Variants in NFASC observed in about 807,000 individuals in gnomAD.
NFASC encodes neurofascin, also known as neurofascin homolog.
Under a neutral mutation model 147.5 loss-of-function variants are expected in NFASC, and 43 were observed. The ratio of observed to expected loss-of-function variants is 0.29; its 90% CI spans 0.23 to 0.38. The LOEUF (loss-of-function observed/expected upper bound fraction) is 0.38, where lower values mean the gene tolerates loss of function less well. Among genes scored for constraint, NFASC ranks in the 10% least tolerant of loss-of-function variants. The pLI is 1.00. For missense variants in NFASC, 1,320 were observed against 1,689.0 expected (o/e 0.78, Z 3.83); for synonymous variants, 622 against 665.5 (o/e 0.93, Z 1.01).
At chr1:205,011,208 C>CA (rs2151035510) in intron 28 of NFASC, among the ~76,000 whole-genome samples, 1 of 29,864 alleles carries the variant, frequency 3.3e-5, no homozygotes, top group South Asian at 8.2e-4. Context: ...TCCCCCAGGA[C>CA]CCCCCCCAAA....
intron 1 of NFASC, among the ~76,000 whole-genome samples, chr1:204,861,433 A>C (rs2076663697): frequency 6.6e-6 from 1 of 151,692 alleles, no homozygotes; most frequent in Non-Finnish European, 1.5e-5. Flanking sequence ...CTAGGAGTGG[A>C]ATTGCTGGGT....
rs1320968276 is a variant in NFASC, at chr1:204,856,418, T to TGTGTGTGA, written c.-200+27637_-200+27638insTGTGTGAG. The stretch of plus-strand genomic sequence containing the variant: ...GTGTGTGTGTGTGTGTGTGTGTGTG[T>TGTGTGTGA]GATTGTGTGAAGAAACGTCTGCCAA... On this transcript the variant is annotated intron_variant, in intron 1 of 29. Transcript: ENST00000339876. Among the ~76,000 whole-genome samples, 579 of 151,178 alleles carry TGTGTGTGA rather than the reference T, an allele frequency of 3.8e-3. 8 individuals carry two copies. The highest frequency in any genetic ancestry group is 0.012 in the African/African-American group (497 of 41,090).
At chr1:204,829,801 C>A (rs1671694634) in intron 1 of NFASC, among the ~76,000 whole-genome samples, 1 of 152,122 alleles carries the variant, frequency 6.6e-6, no homozygotes, top group African/African-American at 2.4e-5. Context: ...TGCTGGAGGG[C>A]TGGATAATTT....
intron 1 of NFASC, among the ~76,000 whole-genome samples, chr1:204,892,687 A>G (rs572678454): frequency 1.3e-5 from 2 of 152,366 alleles, no homozygotes; most frequent in African/African-American, 4.8e-5. Flanking sequence ...GTTCTTATGT[A>G]TTGATTAGAA....
intron 2 of NFASC, among the ~76,000 whole-genome samples, chr1:204,931,892 A>C (rs1045276700): frequency 2.0e-5 from 3 of 152,098 alleles, no homozygotes; most frequent in African/African-American, 7.2e-5. Flanking sequence ...ACAGTCCTCA[A>C]CAGGCTTTGG....
intron 27 of NFASC, among the ~76,000 whole-genome samples, chr1:205,007,728 G>A (rs905802761): frequency 2.0e-4 from 30 of 152,136 alleles, no homozygotes; most frequent in Admixed American, 1.4e-3. Context: ...GAATGAGAGC[G>A]GCCAGCATGG....
intron 1 of NFASC, among the ~76,000 whole-genome samples, chr1:204,857,486 T>C (rs1318274840): frequency 6.6e-6 from 1 of 152,128 alleles, no homozygotes; most frequent in Admixed American, 6.5e-5. Context: ...TAGCAACAGG[T>C]CAATTGGCTG....
intron 1 of NFASC, among the ~76,000 whole-genome samples, chr1:204,867,876 G>A (rs1288878739): frequency 6.6e-6 from 1 of 152,148 alleles, no homozygotes; most frequent in Non-Finnish European, 1.5e-5. Context: ...CTCCTCCAAG[G>A]CTCTCTTCTA....
At chr1:205,002,384 C>T (rs1289864798) in intron 26 of NFASC, among the ~76,000 whole-genome samples, 2 of 152,174 alleles carry the variant, frequency 1.3e-5, no homozygotes, top group Non-Finnish European at 2.9e-5. Flanking sequence ...AACGGTGTCC[C>T]CAGCTGAAGG....
At chr1:204,958,679 G>T (rs1300676406) in intron 8 of NFASC, among the ~76,000 whole-genome samples, 1 of 152,222 alleles carries the variant, frequency 6.6e-6, no homozygotes, top group African/African-American at 2.4e-5. Context: ...ACAGACCTTA[G>T]TCTGACTCAT....
rs1274388998 is a variant in NFASC, at chr1:204,828,878, C to G, written c.-200+96C>G. The G allele has an allele frequency of 6.2e-6, 5 of 802,212 alleles. No individual in the cohort carries two copies. In the East Asian group the frequency reaches 5.4e-4, roughly 87 times the overall value. 49.7% of individuals were successfully genotyped at this position (802,212 alleles called of 1,614,324 possible). On this transcript the variant is annotated intron_variant, in intron 1 of 29. Coordinates refer to ENST00000339876, the MANE Select transcript of NFASC (RefSeq NM_001005388.3). ...TTCCCGCCCTCGTCTGTCTCCATCC[C>G]CTGACCTGCCCCCTCCCCCTCCGTC...
intron 22 of NFASC, among the ~76,000 whole-genome samples, chr1:204,988,294 G>A (rs1218543266): frequency 6.6e-6 from 1 of 152,236 alleles, no homozygotes; most frequent in African/African-American, 2.4e-5. Flanking sequence ...CGTTGTCCTA[G>A]TTCTGTTTGA....
intron 11 of NFASC, among the ~76,000 whole-genome samples, chr1:204,971,536 G>C (rs952620785): frequency 6.6e-6 from 1 of 152,130 alleles, no homozygotes; most frequent in African/African-American, 2.4e-5. Context: ...CAGGTGGAGA[G>C]GGGGGGACAC....
intron 1 of NFASC, chr1:204,870,768 T>G: frequency 8.6e-7 from 1 of 1,162,024 alleles, no homozygotes; most frequent in South Asian, 1.7e-5. Flanking sequence ...GAGGACGTGG[T>G]GGGCTTGAGA....
At chr1:204,846,447 T>A (rs1677059053) in intron 1 of NFASC, among the ~76,000 whole-genome samples, 1 of 152,050 alleles carries the variant, frequency 6.6e-6, no homozygotes, top group African/African-American at 2.4e-5. Context: ...TGGTGGCCAT[T>A]TGGGAGTGCG....
Position 205,017,050 on chromosome 1 carries a change from CCAGA to C in NFASC, c.*512_*515del, listed in dbSNP as rs1333292892. 2.0e-5 allele frequency: 5 copies of C among 252,100 alleles called. No homozygotes were observed. The highest frequency in any genetic ancestry group is 1.1e-4 in the African/African-American group (5 of 45,386). 15.6% of individuals were successfully genotyped at this position (252,100 alleles called of 1,614,324 possible). On this transcript the variant is annotated 3_prime_UTR_variant, in exon 30 of 30. Coordinates refer to ENST00000339876, the MANE Select transcript of NFASC (RefSeq NM_001005388.3). ...ATAGGCAAAAAGGATTGAATCCATACCAGAACACGTAGACAGGCTGTAATATTCA... is the reference window on the plus strand; with the variant it reads ...ATAGGCAAAAAGGATTGAATCCATACACACGTAGACAGGCTGTAATATTCA...
At chr1:204,961,929 T>G (rs1000352524) in intron 8 of NFASC, among the ~76,000 whole-genome samples, 3 of 152,246 alleles carry the variant, frequency 2.0e-5, no homozygotes, top group Non-Finnish European at 4.4e-5. Flanking sequence ...CTGTTTTGTG[T>G]TGCTTGTTCT....
In NFASC at chr1:204,954,727, C is replaced by T; in HGVS notation, c.413-102C>T. The T allele has an allele frequency of 7.4e-7, 1 of 1,353,198 alleles. No individual in the cohort carries two copies. Among genetic ancestry groups the T allele is most frequent in the Non-Finnish European group, 1.0e-6 (1 of 966,102 alleles). 83.8% of individuals were successfully genotyped at this position (1,353,198 alleles called of 1,614,324 possible). The stretch of plus-strand genomic sequence containing the variant: ...CTCTTGCTCCCTCCTTCTCCAGGTG[C>T]CCCTTCTGTTTCTCCTCCTTGCATG... On this transcript the variant is annotated intron_variant, in intron 6 of 29. Coordinates refer to ENST00000339876, the MANE Select transcript of NFASC (RefSeq NM_001005388.3). The surrounding 1 kb of genome is among the most constrained non-coding windows in gnomAD (Gnocchi z 5.7).
chr1:204,920,641 C>G lies in NFASC; in HGVS notation c.-190C>G. ...TGCTTGCTTGAGACAGGTTGATTGA[C>G]TTATGTGCAATTTGGGACGCTGGAG... is the stretch of plus-strand genomic sequence containing the variant. On this transcript the variant is annotated 5_prime_UTR_variant, in exon 2 of 30. Transcript: ENST00000339876. 1 of 1,287,614 alleles carries G rather than the reference C, an allele frequency of 7.8e-7. No individual in the cohort carries two copies. Among genetic ancestry groups the G allele is most frequent in the South Asian group, 1.2e-5 (1 of 80,976 alleles). The allele number at this position is 1,287,614 out of a possible 1,614,324, so 79.8% of individuals were successfully genotyped here. A position where few individuals can be genotyped will look rare whatever the true frequency, so the allele number is the denominator to read the frequency against.
Sources: gnomAD v4.1 joint callset for allele counts (sites outside exome capture counted in the v4.1 genomes callset) on GRCh38, gnomAD v4.1.1 for gene constraint, Gnocchi (gnomAD v3.1) non-coding constraint, MANE v1.5 for transcripts, NCBI Gene and HGNC (gene_info 2026-07-23, HGNC 2026-07-21) for gene names.